The following RORA variants were observed in gnomAD, a reference collection of about 807,000 sequenced individuals.
RORA encodes RAR related orphan receptor A, also known as nuclear receptor ROR-alpha.
RORA carries 7 observed loss-of-function variants against 69.5 expected under a neutral mutation model. The observed-to-expected ratio is 0.10, with a 90% CI of 0.06 to 0.19. The LOEUF (loss-of-function observed/expected upper bound fraction) is 0.19. Ranked by LOEUF, RORA falls within the 10% of genes least tolerant of loss-of-function variation. RORA has a pLI of 1.00. For missense variants in RORA, 457 were observed against 663.0 expected, an observed-to-expected ratio of 0.69 and a Z score of 3.41; for synonymous variants, 261 against 240.8, an observed-to-expected ratio of 1.08 and a Z score of -0.78.
At chr15:60,627,904 T>G (rs2069634180) in intron 2 of RORA, among the ~76,000 whole-genome samples, 1 of 152,242 alleles carries the variant, frequency 6.6e-6, no homozygotes, top group African/African-American at 2.4e-5. Context: ...TTTGTTTAGA[T>G]GTGTGTCTCC....
chr15:61,026,847 T>C (rs1047909978), intron 1 of RORA, among the ~76,000 whole-genome samples: 1 of 152,168 alleles, frequency 6.6e-6, no homozygotes, highest in Non-Finnish European at 1.5e-5. Context: ...CTCTGAACAA[T>C]GCCTTTAACA....
At chr15:60,932,439 C>T (rs1892401085) in intron 1 of RORA, among the ~76,000 whole-genome samples, 1 of 152,164 alleles carries the variant, frequency 6.6e-6, no homozygotes, top group Non-Finnish European at 1.5e-5. Context: ...AAACTGAGAT[C>T]TCCCTAAGAT....
At chr15:61,024,214 A>T (rs980440234) in intron 1 of RORA, among the ~76,000 whole-genome samples, 4 of 152,000 alleles carry the variant, frequency 2.6e-5, no homozygotes, top group African/African-American at 9.7e-5. Flanking sequence ...GTTGGTATTT[A>T]AAAAAATTAT....
At chr15:61,157,984 G>T (rs1025120175) in intron 1 of RORA, among the ~76,000 whole-genome samples, 1 of 152,132 alleles carries the variant, frequency 6.6e-6, no homozygotes, top group African/African-American at 2.4e-5. Flanking sequence ...CCAGACCCTG[G>T]AGAGCATGGA....
intron 2 of RORA, among the ~76,000 whole-genome samples, chr15:60,631,176 A>C (rs1055478097): frequency 2.0e-5 from 3 of 152,146 alleles, no homozygotes; most frequent in African/African-American, 7.2e-5. Flanking sequence ...GGCGTGAGCC[A>C]TTGCACCCGG....
intron 1 of RORA, among the ~76,000 whole-genome samples, chr15:61,094,096 G>A (rs1185903973): frequency 6.6e-6 from 1 of 152,200 alleles, no homozygotes; most frequent in Non-Finnish European, 1.5e-5. Flanking sequence ...GGCAGGTCAA[G>A]ATGTTGATAT....
In RORA at chr15:61,061,936, G is replaced by A. The variant is rs567994468; in HGVS notation, c.166+167117C>T. Reference sequence around the variant, plus strand: ...AAATTAGCCAGGTGTGGTGGTGGGCGCCTGTAATGCCAGCTACTTGGGAGG... The same window carrying A: ...AAATTAGCCAGGTGTGGTGGTGGGCACCTGTAATGCCAGCTACTTGGGAGG... On this transcript the variant is annotated intron_variant, in intron 1 of 10. Coordinates refer to ENST00000335670, the MANE Select transcript of RORA (RefSeq NM_134261.3). The surrounding 1 kb of genome is among the most constrained non-coding windows in gnomAD (Gnocchi z 4.4). Among the ~76,000 whole-genome samples, 23 of 152,184 alleles carry A rather than the reference G, an allele frequency of 1.5e-4. No individual in the cohort carries two copies. Among genetic ancestry groups the A allele is most frequent in the African/African-American group, 4.1e-4 (17 of 41,494 alleles).
chr15:60,535,582 T>C (rs1338768651), intron 2 of RORA, among the ~76,000 whole-genome samples: 1 of 152,266 alleles, frequency 6.6e-6, no homozygotes, highest in South Asian at 2.1e-4. Flanking sequence ...GAATTTTTAA[T>C]TATAAAAGGA....
intron 1 of RORA, among the ~76,000 whole-genome samples, chr15:61,133,144 CAA>C (rs1015621554): frequency 7.0e-6 from 1 of 143,200 alleles, no homozygotes; most frequent in African/African-American, 2.6e-5. Context: ...ATCCCCCCAC[CAA>C]AAAAAAAAAC....
chr15:61,056,866 A>G (rs1210594982), intron 1 of RORA, among the ~76,000 whole-genome samples: 17 of 152,238 alleles, frequency 1.1e-4, no homozygotes, highest in Admixed American at 1.1e-3. Flanking sequence ...GTGGTTTTCC[A>G]AAGGGCTTCT....
intron 1 of RORA, among the ~76,000 whole-genome samples, chr15:61,083,741 T>TC (rs1487931026): frequency 6.6e-6 from 1 of 151,732 alleles, no homozygotes; most frequent in Non-Finnish European, 1.5e-5. Flanking sequence ...GGAAAATTGC[T>TC]CTTCCCAGAA....
chr15:61,159,134 T>G (rs528606361), intron 1 of RORA, among the ~76,000 whole-genome samples: 1 of 152,276 alleles, frequency 6.6e-6, no homozygotes, highest in South Asian at 2.1e-4. Context: ...TACCCTTTGT[T>G]AACTGGAAAA....
chr15:60,997,276 G>C (rs1251614840), intron 1 of RORA, among the ~76,000 whole-genome samples: 3 of 152,074 alleles, frequency 2.0e-5, no homozygotes, highest in African/African-American at 7.2e-5. Context: ...GAGGTGAAAA[G>C]GTATCGGATT....
rs866815620 is a variant in RORA, at chr15:61,208,602, T to C, written c.166+20451A>G. On this transcript the variant is annotated intron_variant, in intron 1 of 10. Coordinates refer to ENST00000335670, the MANE Select transcript of RORA (RefSeq NM_134261.3). ...TAAAGTTGGAATGAATAAAGAAGTA[T>C]ATTCTTTGGTGGTTCCTTTAAAAAT... Among the ~76,000 whole-genome samples, 9 of 152,354 alleles carry C rather than the reference T, an allele frequency of 5.9e-5. No individual in the cohort carries two copies. The Middle Eastern group carries it at 0.01, about 173-fold the overall frequency.
intron 1 of RORA, among the ~76,000 whole-genome samples, chr15:60,724,679 A>C (rs1055258969): frequency 6.6e-6 from 1 of 152,198 alleles, no homozygotes; most frequent in Non-Finnish European, 1.5e-5. Context: ...ATATCTGAGT[A>C]CTGTGTCTCT....
At chr15:60,746,912 G>T (rs894233660) in intron 1 of RORA, among the ~76,000 whole-genome samples, 1 of 152,102 alleles carries the variant, frequency 6.6e-6, no homozygotes, top group Non-Finnish European at 1.5e-5. Context: ...GGGAAGAGTC[G>T]AATTCCATAT....
At chr15:60,951,124 G>T (rs1031522605) in intron 1 of RORA, among the ~76,000 whole-genome samples, 1 of 152,274 alleles carries the variant, frequency 6.6e-6, no homozygotes, top group East Asian at 1.9e-4. Flanking sequence ...TAGAACTCGG[G>T]ATTAAGAATC....
intron 1 of RORA, among the ~76,000 whole-genome samples, chr15:61,074,649 C>CTA (rs2078420867): frequency 6.6e-6 from 1 of 152,170 alleles, no homozygotes; most frequent in Non-Finnish European, 1.5e-5. Flanking sequence ...TTCTACTGGA[C>CTA]TATTCCAAGG....
chr15:61,219,935 T>C (rs1192474820), intron 1 of RORA, among the ~76,000 whole-genome samples: 2 of 152,218 alleles, frequency 1.3e-5, no homozygotes, highest in Non-Finnish European at 2.9e-5. Context: ...TCAGTTCTTC[T>C]TCTGATTCCC....
Sources: gnomAD v4.1 joint callset for allele counts (sites outside exome capture counted in the v4.1 genomes callset) on GRCh38, gnomAD v4.1.1 for gene constraint, Gnocchi (gnomAD v3.1) non-coding constraint, MANE v1.5 for transcripts, NCBI Gene and HGNC (gene_info 2026-07-23, HGNC 2026-07-21) for gene names.